CDH12: variants seen among roughly 807,000 people sequenced by gnomAD.
CDH12 encodes cadherin-12.
Under a neutral mutation model 74.1 loss-of-function variants are expected in CDH12, and 41 were observed. That is an observed-to-expected ratio of 0.55 (90% CI 0.43 to 0.72). CDH12 has a LOEUF of 0.72. Among genes scored for constraint, CDH12 ranks in the 30% least tolerant of loss-of-function variants. The probability of loss-of-function intolerance (pLI) is 0.00; values close to 1 mark genes in which losing one functional copy is unlikely to be tolerated. For missense variants in CDH12, 945 were observed against 977.2 expected (o/e 0.97, Z 0.44); for synonymous variants, 399 against 355.0 (o/e 1.12, Z -1.39).
In CDH12 at chr5:21,864,884, G is replaced by T. The variant is rs114780054; in HGVS notation, c.527-10094C>A. Among the ~76,000 whole-genome samples, 1,375 of 152,250 alleles carry T rather than the reference G, an allele frequency of 9.0e-3. 20 individuals are homozygous for T. Among genetic ancestry groups the T allele is most frequent in the African/African-American group, 0.031 (1,278 of 41,552 alleles). On this transcript the variant is annotated intron_variant, in intron 6 of 14. Coordinates refer to ENST00000382254, the MANE Select transcript of CDH12 (RefSeq NM_004061.5). ...TGTTCATAGAAATATGAGCAGTAAG[G>T]GTTGTTCTTATGCAGTCTGAGATGG...
intron 1 of CDH12, among the ~76,000 whole-genome samples, chr5:22,577,311 T>C (rs745772004): frequency 3.9e-5 from 6 of 152,204 alleles, no homozygotes; most frequent in Non-Finnish European, 7.3e-5. Flanking sequence ...ATTTAAATTA[T>C]AGAACGGATA....
rs568346206 is a variant in CDH12, at chr5:22,156,954, G to T, written c.-187+55544C>A. Among the ~76,000 whole-genome samples, 13 of 152,162 alleles carry T rather than the reference G, an allele frequency of 8.5e-5. No homozygotes were observed. The South Asian group carries it at 2.5e-3, about 29-fold the overall frequency. On this transcript the variant is annotated intron_variant, in intron 4 of 14. Transcript: ENST00000382254. ...TTTTGTTTTCTTTATAACCAGAGGG[G>T]GAAGAAAAGCATGTATTTTCCAACA...
At chr5:22,221,625 T>G (rs935569162) in intron 3 of CDH12, among the ~76,000 whole-genome samples, 2 of 151,862 alleles carry the variant, frequency 1.3e-5, no homozygotes, top group African/African-American at 4.8e-5. Context: ...ATGTTGATAT[T>G]ATTTTATTGC....
At chr5:21,904,988 G>GTGA (rs1378820431) in intron 6 of CDH12, among the ~76,000 whole-genome samples, 4 of 152,140 alleles carry the variant, frequency 2.6e-5, no homozygotes, top group African/African-American at 9.7e-5. Context: ...GGAAACCAAG[G>GTGA]TGATGTACAG....
intron 3 of CDH12, among the ~76,000 whole-genome samples, chr5:22,367,492 T>C (rs936332409): frequency 3.3e-5 from 5 of 152,182 alleles, no homozygotes; most frequent in Admixed American, 6.6e-5. Flanking sequence ...CAGAATTGGA[T>C]TTGTGTTATT....
In CDH12 at chr5:21,979,288, A is replaced by C. The variant is rs111265153; in HGVS notation, c.232-3903T>G. On this transcript the variant is annotated intron_variant, in intron 5 of 14. Transcript: ENST00000382254. ...TCTTTTAGTATTGACACTTAAAATA[A>C]AATTTCTCCCCAGAAAAAGAGTTCT... Among the ~76,000 whole-genome samples the C allele has an allele frequency of 2.7e-3, 405 of 152,288 alleles. 4 individuals carry two copies. The highest frequency in any genetic ancestry group is 9.2e-3 in the African/African-American group (382 of 41,566).
chr5:22,781,368 G>A (rs1275297420), intron 1 of CDH12, among the ~76,000 whole-genome samples: 1 of 152,126 alleles, frequency 6.6e-6, no homozygotes, highest in Non-Finnish European at 1.5e-5. Flanking sequence ...AAAGTGCCTG[G>A]GGCACAGGAT....
chr5:21,911,933 G>A (rs538845266), intron 6 of CDH12, among the ~76,000 whole-genome samples: 50 of 152,020 alleles, frequency 3.3e-4, no homozygotes, highest in Non-Finnish European at 6.0e-4. Flanking sequence ...TATTATGTAA[G>A]TTGAACAACT....
At chr5:22,053,489 T>C (rs1401784379) in intron 5 of CDH12, among the ~76,000 whole-genome samples, 2 of 152,084 alleles carry the variant, frequency 1.3e-5, no homozygotes, top group Admixed American at 6.6e-5. Context: ...ATCCCGGCTA[T>C]GCAGGTACAG....
At chr5:22,741,613 C>T (rs554539600) in intron 1 of CDH12, among the ~76,000 whole-genome samples, 153 of 152,242 alleles carry the variant, frequency 1.0e-3, no homozygotes, top group Non-Finnish European at 1.8e-3. Context: ...AAGTTAGCCT[C>T]CCTCAGTATT....
intron 3 of CDH12, among the ~76,000 whole-genome samples, chr5:22,385,276 T>C (rs2126399080): frequency 6.6e-6 from 1 of 152,324 alleles, no homozygotes; most frequent in South Asian, 2.1e-4. Flanking sequence ...AAGCTTAATA[T>C]ACTGTGCAGA....
intron 14 of CDH12, among the ~76,000 whole-genome samples, chr5:21,755,232 G>A (rs2149862676): frequency 6.6e-6 from 1 of 152,274 alleles, no homozygotes; most frequent in East Asian, 1.9e-4. Context: ...TTACTAGGAA[G>A]TAAAACAAAT....
chr5:21,932,044 T>C (rs1386466124), intron 6 of CDH12, among the ~76,000 whole-genome samples: 1 of 152,238 alleles, frequency 6.6e-6, no homozygotes, highest in East Asian at 1.9e-4. Context: ...TACTGATGTC[T>C]GTTATCTGTC....
At chr5:22,706,424 G>A (rs2126967396) in intron 1 of CDH12, among the ~76,000 whole-genome samples, 1 of 151,930 alleles carries the variant, frequency 6.6e-6, no homozygotes, top group African/African-American at 2.4e-5. Flanking sequence ...TAAAAAGAAA[G>A]CCAATCATGT....
At chr5:22,257,679 T>C (rs1753367585) in intron 3 of CDH12, among the ~76,000 whole-genome samples, 1 of 151,966 alleles carries the variant, frequency 6.6e-6, no homozygotes, top group Admixed American at 6.6e-5. Context: ...TTTTGTATTT[T>C]TAGTAGAGAT....
chr5:22,282,347 G>A lies in CDH12; in HGVS notation c.-332-69704C>T, dbSNP rs975041277. Among the ~76,000 whole-genome samples, 28 of 151,988 alleles carry A rather than the reference G, an allele frequency of 1.8e-4. 1 individual carries two copies. The highest frequency in any genetic ancestry group is 5.9e-5 in the Non-Finnish European group (4 of 67,982). On this transcript the variant is annotated intron_variant, in intron 3 of 14. Coordinates refer to ENST00000382254, the MANE Select transcript of CDH12 (RefSeq NM_004061.5). ...ATATAGACATTGGCAAAGACTTCAC[G>A]ACTAAAACACCAAAAGCAATGGCAA... is the stretch of plus-strand genomic sequence containing the variant.
At chr5:21,795,192 C>A (rs1377650900) in intron 10 of CDH12, among the ~76,000 whole-genome samples, 1 of 134,618 alleles carries the variant, frequency 7.4e-6, no homozygotes, top group Non-Finnish European at 1.7e-5. Flanking sequence ...GGATCATAAT[C>A]CATACAAAAA....
chr5:22,635,368 G>A (rs1423625704), intron 1 of CDH12, among the ~76,000 whole-genome samples: 1 of 152,058 alleles, frequency 6.6e-6, no homozygotes, highest in Non-Finnish European at 1.5e-5. Flanking sequence ...GGACAAAATA[G>A]AAGAGCTAAA....
At chr5:22,611,974 T>G (rs1737426755) in intron 1 of CDH12, among the ~76,000 whole-genome samples, 1 of 152,138 alleles carries the variant, frequency 6.6e-6, no homozygotes, top group Admixed American at 6.6e-5. Flanking sequence ...ATAGGGAATT[T>G]GATTTTTCCT....
Sources: allele counts gnomAD v4.1 joint callset (sites outside exome capture counted in the v4.1 genomes callset), GRCh38; gene constraint gnomAD v4.1.1; transcripts MANE v1.5; gene names NCBI Gene and HGNC (gene_info 2026-07-23, HGNC 2026-07-21).